DNAAF5: variants seen among roughly 807,000 people sequenced by gnomAD.
DNAAF5 encodes the protein dynein axonemal assembly factor 5.
In DNAAF5, 64 loss-of-function variants were observed where a neutral mutation model predicts 75.8. The ratio of observed to expected loss-of-function variants is 0.84; its 90% CI spans 0.69 to 1.04. The LOEUF (loss-of-function observed/expected upper bound fraction) is 1.04, where lower values mean the gene tolerates loss of function less well. DNAAF5 is among the 50% of genes least tolerant of loss of function. The probability of loss-of-function intolerance (pLI) is 0.00; values close to 1 mark genes in which losing one functional copy is unlikely to be tolerated. For synonymous variants in DNAAF5, 657 were observed against 557.2 expected (o/e 1.18, Z -2.52); for missense variants, 1,269 against 1,178.5 (o/e 1.08, Z -1.12).
rs1159941459 is a variant in DNAAF5, at chr7:754,365, A to C, written c.1025-224A>C. Among the ~76,000 whole-genome samples, 1 of 152,054 alleles carries C rather than the reference A, an allele frequency of 6.6e-6. No individual in the cohort carries two copies. Among genetic ancestry groups the C allele is most frequent in the African/African-American group, 2.4e-5 (1 of 41,380 alleles). Reference sequence around the variant, plus strand: ...GGTCTTGACTTCCTGGGCTCTAGTGATCCACCTGCCTTGGCCTCCACAGGG... The same window carrying C: ...GGTCTTGACTTCCTGGGCTCTAGTGCTCCACCTGCCTTGGCCTCCACAGGG... On this transcript the variant is annotated intron_variant, in intron 4 of 12. Transcript: ENST00000297440. This position sits in a 1 kb window ranked among gnomAD's most constrained non-coding sequence, Gnocchi z 4.8.
At chr7:735,059 CGTT>C (rs1781694779) in intron 2 of DNAAF5, among the ~76,000 whole-genome samples, 1 of 140,976 alleles carries the variant, frequency 7.1e-6, no homozygotes, top group Non-Finnish European at 1.5e-5. Flanking sequence ...CTCACAGTGT[CGTT>C]GCTCATATTG....
chr7:743,678 C>T (rs1781993335), intron 4 of DNAAF5, among the ~76,000 whole-genome samples: 4 of 141,106 alleles, frequency 2.8e-5, no homozygotes, highest in Non-Finnish European at 4.6e-5. Flanking sequence ...GAGTTTCACT[C>T]TTGTTGCCCA....
At chr7:761,681 T>G in intron 6 of DNAAF5, 72 bp from the exon 7 acceptor site, 7 of 1,488,320 alleles carry the variant, frequency 4.7e-6, no homozygotes, top group Non-Finnish European at 6.3e-6. Flanking sequence ...GGAGCTACAG[T>G]TCAAGATGGG....
At chr7:749,358 G>A (rs149017024) in intron 4 of DNAAF5, among the ~76,000 whole-genome samples, 5 of 152,290 alleles carry the variant, frequency 3.3e-5, no homozygotes, top group African/African-American at 9.6e-5. Context: ...AAAGCGTCTC[G>A]ATGCTGGTGA....
At chr7:784,131 G>C (rs529900192) in intron 12 of DNAAF5, among the ~76,000 whole-genome samples, 3 of 151,398 alleles carry the variant, frequency 2.0e-5, no homozygotes, top group African/African-American at 4.8e-5. Context: ...ATCTGCAGCC[G>C]TCCACCTGCC....
At chr7:741,195 G>A (rs955882208) in intron 3 of DNAAF5, 152 bp from the exon 4 acceptor site, 4 of 686,238 alleles carry the variant, frequency 5.8e-6, no homozygotes, top group African/African-American at 5.4e-5. Context: ...CTCACAAGAT[G>A]AAGTGGAATT....
chr7:745,488 A>G (rs893382099), intron 4 of DNAAF5, among the ~76,000 whole-genome samples: 1 of 152,244 alleles, frequency 6.6e-6, no homozygotes, highest in Non-Finnish European at 1.5e-5. Flanking sequence ...GCACACATGT[A>G]CATGCATATC....
At chr7:730,760 G>A (rs1327397466) in intron 2 of DNAAF5, among the ~76,000 whole-genome samples, 2 of 152,120 alleles carry the variant, frequency 1.3e-5, no homozygotes, top group African/African-American at 4.8e-5. Context: ...CTGCCTAGGG[G>A]CTGTGCGCAG....
intron 12 of DNAAF5, among the ~76,000 whole-genome samples, chr7:784,720 C>T (rs550718423): frequency 6.6e-6 from 1 of 152,218 alleles, no homozygotes; most frequent in Non-Finnish European, 1.5e-5. Context: ...GGTTTGCAGT[C>T]ACTGCGGCAG....
In DNAAF5 at chr7:780,260, A is replaced by G. The variant is rs1778892729; in HGVS notation, c.2431+116A>G. The G allele has an allele frequency of 4.4e-6, 4 of 913,258 alleles. No homozygotes were observed. In the South Asian group the frequency reaches 6.8e-5, roughly 16 times the overall value. 56.6% of individuals were successfully genotyped at this position (913,258 alleles called of 1,614,324 possible). On this transcript the variant is annotated intron_variant, in intron 12 of 12. Coordinates refer to ENST00000297440, the MANE Select transcript of DNAAF5 (RefSeq NM_017802.4). Reference sequence around the variant, plus strand: ...GGCCCTGGGGCACAGGAGGGGCCTCAGCTCCGGCCTGGCACACTCTTGAGT... The same window carrying G: ...GGCCCTGGGGCACAGGAGGGGCCTCGGCTCCGGCCTGGCACACTCTTGAGT...
At chr7:737,985 T>C (rs1781788971) in intron 2 of DNAAF5, among the ~76,000 whole-genome samples, 1 of 152,218 alleles carries the variant, frequency 6.6e-6, no homozygotes, top group Non-Finnish European at 1.5e-5. Context: ...TTTGATATTA[T>C]CCCTTTGAGT....
chr7:769,255 C>A, intron 8 of DNAAF5: 1 of 733,082 alleles, frequency 1.4e-6, no homozygotes, highest in South Asian at 1.4e-5. Context: ...TCTACACTGG[C>A]CCGGGGCCAG....
At chr7:727,352 A>G (rs1357420896) in intron 1 of DNAAF5, 37 bp downstream of exon 1, 180 of 973,944 alleles carry the variant, frequency 1.8e-4, no homozygotes, top group Non-Finnish European at 2.0e-4. Context: ...ACGCCACCCC[A>G]CACTCTCACC....
At chr7:781,711 A>G (rs901088497) in intron 12 of DNAAF5, among the ~76,000 whole-genome samples, 29 of 151,800 alleles carry the variant, frequency 1.9e-4, no homozygotes, top group African/African-American at 6.3e-4. Flanking sequence ...AGGATGTCTC[A>G]CTTGTTTCTA....
intron 11 of DNAAF5, among the ~76,000 whole-genome samples, chr7:776,989 G>T (rs1252270520): frequency 6.6e-6 from 1 of 152,172 alleles, no homozygotes; most frequent in Non-Finnish European, 1.5e-5. Context: ...AACTGTGCAC[G>T]CGAGGGATCC....
intron 12 of DNAAF5, among the ~76,000 whole-genome samples, chr7:783,106 C>T (rs1263773191): frequency 6.6e-6 from 1 of 152,232 alleles, no homozygotes; most frequent in Admixed American, 6.5e-5. Flanking sequence ...CAAACCCTGT[C>T]GGTTGTTCTG....
At chr7:768,247 C>T (rs556691069) in intron 8 of DNAAF5, among the ~76,000 whole-genome samples, 107 of 146,730 alleles carry the variant, frequency 7.3e-4, no homozygotes, top group Middle Eastern at 8.1e-3. Flanking sequence ...CGGAAGTGTC[C>T]GTGCTGCGAG....
chr7:767,034 T>G (rs942565179), intron 8 of DNAAF5, among the ~76,000 whole-genome samples: 3 of 151,876 alleles, frequency 2.0e-5, no homozygotes, highest in African/African-American at 7.2e-5. Flanking sequence ...TGTCAGGAGA[T>G]CGAGACCATC....
chr7:729,033 G>C (rs1359550882), intron 1 of DNAAF5, among the ~76,000 whole-genome samples: 1 of 129,686 alleles, frequency 7.7e-6, no homozygotes, highest in Non-Finnish European at 1.6e-5. Flanking sequence ...GTTTCACTCT[G>C]TCTCCCAGGC....
Sources: allele counts gnomAD v4.1 joint callset (sites outside exome capture counted in the v4.1 genomes callset), GRCh38; gene constraint gnomAD v4.1.1; non-coding constraint Gnocchi (gnomAD v3.1); transcripts MANE v1.5; gene names NCBI Gene and HGNC (gene_info 2026-07-23, HGNC 2026-07-21).